PIBF1: variants seen among roughly 807,000 people sequenced by gnomAD.
The protein encoded by PIBF1 is progesterone-induced-blocking factor 1.
A neutral mutation model predicts 112.5 loss-of-function variants in PIBF1; 90 were observed. The ratio of observed to expected loss-of-function variants is 0.80; its 90% CI spans 0.67 to 0.95. The LOEUF (loss-of-function observed/expected upper bound fraction) is 0.95. Ranked by LOEUF, PIBF1 falls within the 40% of genes least tolerant of loss-of-function variation. The pLI, the probability that PIBF1 is intolerant of heterozygous loss-of-function variation, is 0.00. For missense variants in PIBF1, 915 were observed against 852.3 expected, an observed-to-expected ratio of 1.07 and a Z score of -0.92; for synonymous variants, 301 against 288.6, an observed-to-expected ratio of 1.04 and a Z score of -0.44.
intron 14 of PIBF1, among the ~76,000 whole-genome samples, chr13:72,940,859 C>G (rs1468865581): frequency 3.9e-5 from 6 of 152,170 alleles, no homozygotes; most frequent in Non-Finnish European, 7.4e-5. Context: ...TTGCTCCTAC[C>G]AATCTTGTCT....
intron 14 of PIBF1, among the ~76,000 whole-genome samples, chr13:72,945,557 A>G (rs997338231): frequency 6.6e-6 from 1 of 152,200 alleles, no homozygotes; most frequent in African/African-American, 2.4e-5. Context: ...TTGACTTTTT[A>G]ATAAAAGCTA....
At chr13:72,962,895 C>T (rs977190931) in intron 14 of PIBF1, among the ~76,000 whole-genome samples, 3 of 152,166 alleles carry the variant, frequency 2.0e-5, no homozygotes, top group Admixed American at 6.5e-5. Context: ...TGTAAAGTTA[C>T]AGTCAGCAAA....
intron 9 of PIBF1, among the ~76,000 whole-genome samples, chr13:72,850,433 C>T (rs1408402921): frequency 6.6e-6 from 1 of 151,870 alleles, no homozygotes; most frequent in Admixed American, 6.6e-5. Flanking sequence ...TAACATAGTA[C>T]CCGCTAATCA....
At chr13:72,789,069 A>G in intron 2 of PIBF1, among the ~76,000 whole-genome samples, 1 of 152,230 alleles carries the variant, frequency 6.6e-6, no homozygotes, top group Non-Finnish European at 1.5e-5. Flanking sequence ...AAGAGTAGCT[A>G]TTCAGGCCAA....
intron 15 of PIBF1, among the ~76,000 whole-genome samples, chr13:72,966,679 C>T (rs1000564478): frequency 1.1e-4 from 16 of 152,120 alleles, no homozygotes; most frequent in Admixed American, 3.9e-4. Context: ...GAGGCTGAGG[C>T]AGGCAGATCA....
chr13:72,870,074 A>G (rs968964883), intron 10 of PIBF1, among the ~76,000 whole-genome samples: 5 of 152,178 alleles, frequency 3.3e-5, no homozygotes, highest in Admixed American at 3.3e-4. Flanking sequence ...TTGTTCCCAC[A>G]TAATTGTACA....
intron 4 of PIBF1, among the ~76,000 whole-genome samples, chr13:72,796,886 T>C (rs1475335792): frequency 1.3e-5 from 2 of 152,158 alleles, no homozygotes; most frequent in Non-Finnish European, 2.9e-5. Context: ...CAGATTCTTT[T>C]TGTTGAGGGC....
chr13:72,828,024 A>G (rs1489529051), intron 8 of PIBF1, 110 bp downstream of exon 8: 3 of 472,406 alleles, frequency 6.4e-6, no homozygotes, highest in African/African-American at 2.0e-5. Context: ...TCTATTCTAT[A>G]TGATAATACT....
rs562452425 is a variant in PIBF1 at position 72,797,957 on chromosome 13, A to G, written c.603A>G (p.Leu201=). The change falls in exon 5 of 18, where the codon CTA becomes CTG. Residue 201 remains leucine, a synonymous_variant. Coordinates refer to ENST00000326291, the MANE Select transcript of PIBF1 (RefSeq NM_006346.4). The part of the protein sequence containing the change: ...VNPLRKEICE[L]QVKKNILAEE... ...CATTAAGAAAGGAAATCTGTGAACT[A>G]CAAGTGAAAAAGAATATCCTAGCAG... is the stretch of plus-strand genomic sequence containing the variant. 23 of 1,609,752 alleles carry G rather than the reference A, an allele frequency of 1.4e-5. No homozygotes were observed. Among genetic ancestry groups the G allele is most frequent in the East Asian group, 8.9e-5 (4 of 44,708 alleles).
chr13:72,858,515 A>G (rs1414968966), intron 10 of PIBF1, among the ~76,000 whole-genome samples: 1 of 152,238 alleles, frequency 6.6e-6, no homozygotes, highest in Non-Finnish European at 1.5e-5. Context: ...ACAGAATACA[A>G]CAATGTAGTT....
chr13:72,996,665 G>A (rs1011179391), intron 16 of PIBF1, among the ~76,000 whole-genome samples: 33 of 151,952 alleles, frequency 2.2e-4, no homozygotes, highest in African/African-American at 7.0e-4. Flanking sequence ...GAATGCCCCT[G>A]TAGTCCTAGC....
chr13:72,840,360 G>T (rs2037552432), intron 9 of PIBF1, among the ~76,000 whole-genome samples: 1 of 151,948 alleles, frequency 6.6e-6, no homozygotes, highest in African/African-American at 2.4e-5. Context: ...ATTTAAGGTT[G>T]TGTGTGTGTG....
chr13:72,956,670 G>T (rs749927119), intron 14 of PIBF1, among the ~76,000 whole-genome samples: 2 of 152,164 alleles, frequency 1.3e-5, no homozygotes, highest in Non-Finnish European at 2.9e-5. Flanking sequence ...AGTCTATTTA[G>T]CTGATGTCTT....
In PIBF1 at chr13:72,797,913, T is replaced by C; in HGVS notation, c.559T>C (p.Phe187Leu). Reference sequence around the variant, plus strand: ...TAATTTAATTTTTTTCAAGGTTCGCTTCTATGAGCTAGTGAATCCATTAAG... The same window carrying C: ...TAATTTAATTTTTTTCAAGGTTCGCCTCTATGAGCTAGTGAATCCATTAAG... The part of the protein sequence containing the change: ...LSIPEYVSVR[F>L]YELVNPLRKE... Residue 187 changes from phenylalanine (F) to leucine (L), a missense_variant, in exon 5 of 18, where the codon TTC becomes CTC. Transcript: ENST00000326291. 2 of 1,586,296 alleles carry C rather than the reference T, an allele frequency of 1.3e-6. No individual in the cohort carries two copies. The highest frequency in any genetic ancestry group is 1.9e-5 in the Admixed American group (1 of 52,822).
At chr13:72,979,787 TG>T (rs1308104781) in intron 16 of PIBF1, among the ~76,000 whole-genome samples, 15 of 151,612 alleles carry the variant, frequency 9.9e-5, no homozygotes, top group Admixed American at 8.6e-4. Context: ...CCAGGCATGG[TG>T]GTGGGCGCCT....
intron 12 of PIBF1, among the ~76,000 whole-genome samples, chr13:72,916,348 C>T (rs190100389): frequency 3.7e-4 from 56 of 151,604 alleles, no homozygotes; most frequent in Non-Finnish European, 6.5e-4. Context: ...GCAGAGATCA[C>T]GCCATTACAC....
At chr13:72,852,836 G>T (rs918499737) in intron 9 of PIBF1, among the ~76,000 whole-genome samples, 3 of 152,076 alleles carry the variant, frequency 2.0e-5, no homozygotes, top group African/African-American at 7.2e-5. Context: ...AGATAGTGTG[G>T]CATGATGTAA....
intron 14 of PIBF1, among the ~76,000 whole-genome samples, chr13:72,948,808 AG>A (rs1311000856): frequency 6.6e-6 from 1 of 152,198 alleles, no homozygotes; most frequent in Non-Finnish European, 1.5e-5. Context: ...TGCAGAACAA[AG>A]GGGGGAAAGC....
chr13:72,824,634 G>A (rs1197051747), intron 6 of PIBF1, among the ~76,000 whole-genome samples: 1 of 152,092 alleles, frequency 6.6e-6, no homozygotes, highest in Non-Finnish European at 1.5e-5. Context: ...TGACCATTTT[G>A]TAGCCGCATA....
Sources: allele counts gnomAD v4.1 joint callset (sites outside exome capture counted in the v4.1 genomes callset), GRCh38; gene constraint gnomAD v4.1.1; transcripts MANE v1.5; gene names NCBI Gene and HGNC (gene_info 2026-07-23, HGNC 2026-07-21).